Variants in FAM117B observed in about 807,000 individuals in gnomAD.
FAM117B encodes family with sequence similarity 117 member B.
In FAM117B, 22 loss-of-function variants were observed where a neutral mutation model predicts 52.8. The ratio of observed to expected loss-of-function variants is 0.42; its 90% CI spans 0.30 to 0.59. FAM117B has a LOEUF of 0.59. FAM117B is among the 20% of genes least tolerant of loss of function. The pLI is 0.22. For missense variants in FAM117B, 678 were observed against 802.6 expected, an observed-to-expected ratio of 0.84 and a Z score of 1.88; for synonymous variants, 309 against 324.1, an observed-to-expected ratio of 0.95 and a Z score of 0.50.
chr2:202,661,879 G>A (rs1039902831), intron 1 of FAM117B, among the ~76,000 whole-genome samples: 1 of 146,722 alleles, frequency 6.8e-6, no homozygotes, highest in Non-Finnish European at 1.5e-5. Flanking sequence ...TCATGCCACT[G>A]CACTGCACTC....
chr2:202,662,717 G>T (rs1279698778), intron 1 of FAM117B, among the ~76,000 whole-genome samples: 1 of 152,006 alleles, frequency 6.6e-6, no homozygotes, highest in Admixed American at 6.6e-5. Context: ...GGTGGTGCAC[G>T]CCTGTAGTCC....
At chr2:202,686,816 AAAG>A (rs1393119099) in intron 1 of FAM117B, among the ~76,000 whole-genome samples, 4 of 152,076 alleles carry the variant, frequency 2.6e-5, no homozygotes, top group Non-Finnish European at 5.9e-5. Flanking sequence ...AAAAAAAAAA[AAAG>A]AGGTATTAGA....
chr2:202,683,017 A>G (rs1431355189), intron 1 of FAM117B, among the ~76,000 whole-genome samples: 1 of 152,248 alleles, frequency 6.6e-6, no homozygotes, highest in Non-Finnish European at 1.5e-5. Context: ...TCATAAAGGT[A>G]ACAGAATCCA....
intron 2 of FAM117B, among the ~76,000 whole-genome samples, chr2:202,710,310 T>TAAAA (rs1290341980): frequency 6.6e-6 from 1 of 152,176 alleles, no homozygotes; most frequent in East Asian, 1.9e-4. Context: ...CAATGTTTTT[T>TAAAA]AGTTTTCTGT....
At chr2:202,716,709 T>C (rs1333983979) in intron 2 of FAM117B, among the ~76,000 whole-genome samples, 7 of 152,210 alleles carry the variant, frequency 4.6e-5, no homozygotes, top group Non-Finnish European at 1.0e-4. Flanking sequence ...TCGTTTTCTT[T>C]TTTTTCTTTT....
chr2:202,667,247 C>T (rs1169011837), intron 1 of FAM117B, among the ~76,000 whole-genome samples: 3 of 151,990 alleles, frequency 2.0e-5, no homozygotes, highest in African/African-American at 7.3e-5. Flanking sequence ...ACTACAGGCA[C>T]GTGCCACCAT....
intron 4 of FAM117B, among the ~76,000 whole-genome samples, chr2:202,748,508 A>G (rs1691669973): frequency 6.6e-6 from 1 of 152,168 alleles, no homozygotes; most frequent in African/African-American, 2.4e-5. Context: ...ATGGAGGAAA[A>G]TATTTGCAAA....
intron 4 of FAM117B, among the ~76,000 whole-genome samples, chr2:202,735,226 G>A (rs1166351911): frequency 6.6e-6 from 1 of 152,118 alleles, no homozygotes; most frequent in Non-Finnish European, 1.5e-5. Flanking sequence ...CTTTTCCCAA[G>A]ATAGGTTTTT....
At chr2:202,668,353 C>A (rs1574548507) in intron 1 of FAM117B, among the ~76,000 whole-genome samples, 1 of 147,866 alleles carries the variant, frequency 6.8e-6, no homozygotes, top group Admixed American at 6.8e-5. Flanking sequence ...GGCTTGAGCC[C>A]TGGAGTTAGA....
chr2:202,751,470 C>CA (rs1251126909), intron 4 of FAM117B, among the ~76,000 whole-genome samples: 5 of 151,964 alleles, frequency 3.3e-5, no homozygotes, highest in Admixed American at 6.6e-5. Context: ...AGATCTTCCT[C>CA]AAAAAAATAG....
At position 202,635,759 on chromosome 2, in the gene FAM117B, G is replaced by C; in HGVS notation, c.572G>C (p.Arg191Thr). 1 of 1,456,864 alleles carries C rather than the reference G, an allele frequency of 6.9e-7. No individual in the cohort carries two copies. Among genetic ancestry groups the C allele is most frequent in the Non-Finnish European group, 9.0e-7 (1 of 1,107,216 alleles). 90.2% of individuals were successfully genotyped at this position (1,456,864 alleles called of 1,614,324 possible). ...PEQSRSSPEK[R>T]SPSAPVCKAG... ...CAGAGCCGAAGCTCGCCGGAGAAGAGGAGCCCCAGCGCCCCGGTTTGCAAA... is the reference window on the plus strand; with the variant it reads ...CAGAGCCGAAGCTCGCCGGAGAAGACGAGCCCCAGCGCCCCGGTTTGCAAA... Residue 191 changes from arginine to threonine, a missense_variant, in exon 1 of 8, where the codon AGG becomes ACG. Coordinates refer to ENST00000392238, the MANE Select transcript of FAM117B (RefSeq NM_173511.4).
At chr2:202,698,227 A>C (rs926782923) in intron 2 of FAM117B, among the ~76,000 whole-genome samples, 5 of 152,312 alleles carry the variant, frequency 3.3e-5, no homozygotes, top group Admixed American at 3.3e-4. Context: ...GGATTTGTAT[A>C]TTGATTTCCA....
chr2:202,667,952 G>GTGGC (rs1216771028), intron 1 of FAM117B, among the ~76,000 whole-genome samples: 1 of 151,584 alleles, frequency 6.6e-6, no homozygotes, highest in Non-Finnish European at 1.5e-5. Flanking sequence ...CCCAGGCATG[G>GTGGC]TGGCTCATGC....
At chr2:202,725,166 A>C (rs1177700285) in intron 3 of FAM117B, 157 bp downstream of exon 3, 2 of 485,620 alleles carry the variant, frequency 4.1e-6, no homozygotes, top group East Asian at 6.6e-5. Flanking sequence ...TGTTGATTTA[A>C]TAAAGATTTC....
Position 202,768,216 on chromosome 2 carries a change from T to C in FAM117B, c.*2452T>C, listed in dbSNP as rs938750007. On this transcript the variant is annotated 3_prime_UTR_variant, in exon 8 of 8. Transcript: ENST00000392238. ...GCATTTTAGAACTAGAATGCCACTCTGTAGAGGTTTTCCCTTTTGCTCTGT... is the reference window on the plus strand; with the variant it reads ...GCATTTTAGAACTAGAATGCCACTCCGTAGAGGTTTTCCCTTTTGCTCTGT... 1.3e-5 allele frequency: 2 copies of C among 152,218 alleles called. No homozygotes were observed. The highest frequency in any genetic ancestry group is 2.9e-5 in the Non-Finnish European group (2 of 68,042). 9.4% of individuals were successfully genotyped at this position (152,218 alleles called of 1,614,324 possible).
chr2:202,653,449 C>G (rs1015445317), intron 1 of FAM117B, among the ~76,000 whole-genome samples: 2 of 152,224 alleles, frequency 1.3e-5, no homozygotes, highest in African/African-American at 4.8e-5. Context: ...AGCAATCCTC[C>G]TGCCTCAGCC....
At chr2:202,745,000 G>T (rs543915758) in intron 4 of FAM117B, among the ~76,000 whole-genome samples, 3 of 115,848 alleles carry the variant, frequency 2.6e-5, no homozygotes, top group South Asian at 2.8e-4. Context: ...AAAAAAAAAA[G>T]GCTGGGCATG....
chr2:202,726,160 G>A (rs1212371916), intron 3 of FAM117B, 90 bp from the exon 4 acceptor site: 4 of 801,510 alleles, frequency 5.0e-6, no homozygotes, highest in Non-Finnish European at 8.2e-6. Flanking sequence ...ACTTATTAAG[G>A]GTAAGTTTTA....
At chr2:202,751,435 G>A (rs761774259) in intron 4 of FAM117B, among the ~76,000 whole-genome samples, 8 of 152,144 alleles carry the variant, frequency 5.3e-5, no homozygotes, top group Non-Finnish European at 1.2e-4. Context: ...ACTAGACTAA[G>A]AGAATAGATC....
Sources: gnomAD v4.1 joint callset for allele counts (sites outside exome capture counted in the v4.1 genomes callset) on GRCh38, gnomAD v4.1.1 for gene constraint, MANE v1.5 for transcripts, NCBI Gene and HGNC (gene_info 2026-07-23, HGNC 2026-07-21) for gene names.